The following GNGT1 variants were observed in gnomAD, a reference collection of about 807,000 sequenced individuals.
GNGT1 encodes the protein G protein subunit gamma transducin 1.
In GNGT1, 4 loss-of-function variants were observed where a neutral mutation model predicts 7.4. That is an observed-to-expected ratio of 0.54 (90% CI 0.27 to 1.24). The LOEUF (loss-of-function observed/expected upper bound fraction) is 1.24. Among genes scored for constraint, GNGT1 ranks in the 50% most tolerant of loss-of-function variants. The pLI is 0.12. For missense variants in GNGT1, 95 were observed against 82.4 expected, an observed-to-expected ratio of 1.15 and a Z score of -0.59; for synonymous variants, 37 against 30.2, an observed-to-expected ratio of 1.23 and a Z score of -0.74.
chr7:93,909,664 T>C, intron 2 of GNGT1: 2 of 522,832 alleles, frequency 3.8e-6, no homozygotes, highest in Non-Finnish European at 6.8e-6. Flanking sequence ...TCAAAAGTTA[T>C]GTGAATCTGC....
chr7:93,910,034 A>G (rs546314245), intron 2 of GNGT1: 7 of 152,604 alleles, frequency 4.6e-5, no homozygotes, highest in African/African-American at 1.7e-4. Context: ...TTATATATGT[A>G]TAGAACATCA....
intron 2 of GNGT1, among the ~76,000 whole-genome samples, chr7:93,907,740 T>C (rs1794398672): frequency 6.6e-6 from 1 of 152,202 alleles, no homozygotes; most frequent in African/African-American, 2.4e-5. Context: ...AAAAAGGATC[T>C]TGTGTTATCT....
Position 93,910,773 on chromosome 7 carries a change from T to C in GNGT1, c.97-17T>C. 6.4e-7 allele frequency: 1 copy of C among 1,574,764 alleles called. No individual in the cohort carries two copies. ...GTTTTAAACCAAATGAGTCATCCCT[T>C]TTTCCTTCCCCTTAAGGTTTCCAAA... is the stretch of plus-strand genomic sequence containing the variant. On this transcript the variant is annotated splice_polypyrimidine_tract_variant and intron_variant, in intron 2 of 2. Transcript: ENST00000248572.
intron 2 of GNGT1, chr7:93,909,526 GA>G: frequency 1.4e-6 from 1 of 701,740 alleles, no homozygotes; most frequent in Non-Finnish European, 2.6e-6. Flanking sequence ...ATGGACTACT[GA>G]ATTAAGGACA....
At chr7:93,909,859 A>C (rs943142451) in intron 2 of GNGT1, 6 of 181,864 alleles carry the variant, frequency 3.3e-5, no homozygotes, top group East Asian at 1.3e-4. Context: ...AAAAAAAAAA[A>C]CAGTAAATTG....
At position 93,911,071 on chromosome 7, in the gene GNGT1, G is replaced by T; in HGVS notation, c.*153G>T. ...AAACTTTTAATAAAAATTGGGGTGTGGTAACCCATCATTCTATGTTTTTCT... is the reference window on the plus strand; with the variant it reads ...AAACTTTTAATAAAAATTGGGGTGTTGTAACCCATCATTCTATGTTTTTCT... On this transcript the variant is annotated 3_prime_UTR_variant, in exon 3 of 3. Coordinates refer to ENST00000248572, the MANE Select transcript of GNGT1 (RefSeq NM_021955.5). The T allele has an allele frequency of 2.3e-6, 1 of 426,302 alleles. No individual in the cohort carries two copies. Among genetic ancestry groups the T allele is most frequent in the Admixed American group, 4.1e-5 (1 of 24,312 alleles). The allele number at this position is 426,302 out of a possible 1,614,324, so 26.4% of individuals were successfully genotyped here. A position where few individuals can be genotyped will look rare whatever the true frequency, so the allele number is the denominator to read the frequency against.
chr7:93,910,958 A>C lies in GNGT1; in HGVS notation c.*40A>C. ...AAAAAAATTAAACAAATTCTTGGAA[A>C]TATCTCAAATGTTAATAACAATATG... On this transcript the variant is annotated 3_prime_UTR_variant, in exon 3 of 3. Coordinates refer to ENST00000248572, the MANE Select transcript of GNGT1 (RefSeq NM_021955.5). 2.1e-6 allele frequency: 3 copies of C among 1,409,272 alleles called. No individual in the cohort carries two copies. Among genetic ancestry groups the C allele is most frequent in the Non-Finnish European group, 2.9e-6 (3 of 1,031,642 alleles). The allele number at this position is 1,409,272 out of a possible 1,614,324, so 87.3% of individuals were successfully genotyped here. A position where few individuals can be genotyped will look rare whatever the true frequency, so the allele number is the denominator to read the frequency against.
At chr7:93,909,272 C>A (rs1794424071) in intron 2 of GNGT1, among the ~76,000 whole-genome samples, 1 of 152,022 alleles carries the variant, frequency 6.6e-6, no homozygotes, top group African/African-American at 2.4e-5. Flanking sequence ...TTTAAGGCAA[C>A]CAATGCAGCT....
chr7:93,909,829 G>T, intron 2 of GNGT1: 1 of 198,284 alleles, frequency 5.0e-6, no homozygotes, highest in Non-Finnish European at 9.7e-6. Context: ...CATAAAAGCG[G>T]ACTAAAGATT....
chr7:93,907,256 G>A (rs542737312), intron 2 of GNGT1, among the ~76,000 whole-genome samples: 31 of 152,130 alleles, frequency 2.0e-4, no homozygotes, highest in African/African-American at 7.2e-4. Context: ...TTTTAGATAA[G>A]CAATAAAATA....
At chr7:93,906,911 C>A in intron 2 of GNGT1, 69 bp downstream of exon 2, 1 of 848,144 alleles carries the variant, frequency 1.2e-6, no homozygotes, top group South Asian at 1.7e-5. Flanking sequence ...GGTTAGAAAA[C>A]ATTGGCTGGA....
At chr7:93,907,841 C>T in intron 2 of GNGT1, among the ~76,000 whole-genome samples, 1 of 152,114 alleles carries the variant, frequency 6.6e-6, no homozygotes. Flanking sequence ...CCCTGTTGCC[C>T]TTTCCATACA....
At chr7:93,907,394 G>A (rs1794392646) in intron 2 of GNGT1, among the ~76,000 whole-genome samples, 1 of 152,054 alleles carries the variant, frequency 6.6e-6, no homozygotes, top group Non-Finnish European at 1.5e-5. Flanking sequence ...AAGCTATGAT[G>A]TCAACCCCTC....
rs1794457882 is a variant in GNGT1 at position 93,910,981 on chromosome 7, A to G, written c.*63A>G. On this transcript the variant is annotated 3_prime_UTR_variant, in exon 3 of 3. Transcript: ENST00000248572. ...AAATATCTCAAATGTTAATAACAATATGAATTTTTCTCATGCATACTATTA... is the reference window on the plus strand; with the variant it reads ...AAATATCTCAAATGTTAATAACAATGTGAATTTTTCTCATGCATACTATTA... The G allele has an allele frequency of 7.9e-7, 1 of 1,261,160 alleles. No homozygotes were observed. Among genetic ancestry groups the G allele is most frequent in the Non-Finnish European group, 1.1e-6 (1 of 922,618 alleles). The allele number at this position is 1,261,160 out of a possible 1,614,324, so 78.1% of individuals were successfully genotyped here.
chr7:93,909,510 T>G (rs1023144324), intron 2 of GNGT1: 6 of 702,322 alleles, frequency 8.5e-6, no homozygotes, highest in African/African-American at 1.7e-5. Flanking sequence ...TCAAAACCAA[T>G]CCCTTATGGA....
intron 2 of GNGT1, among the ~76,000 whole-genome samples, chr7:93,907,853 G>C (rs1028491546): frequency 6.6e-6 from 1 of 152,064 alleles, no homozygotes; most frequent in Non-Finnish European, 1.5e-5. Flanking sequence ...TTCCATACAG[G>C]CAAAACGTTT....
chr7:93,906,715 G>T (rs1048252567), intron 1 of GNGT1, 21 bp from the exon 2 acceptor site: 1 of 1,288,852 alleles, frequency 7.8e-7, no homozygotes, highest in African/African-American at 1.5e-5. Context: ...ATGCATAGCT[G>T]CTAACCTTCT....
At position 93,906,859 on chromosome 7, in the gene GNGT1, T is replaced by G. The variant is rs776858019; in HGVS notation, c.96+17T>G. ...AGAATGCTAGTAAGTTGCTGCTTTC[T>G]TTAGTATTTTATTTTAAGCTAGAGA... On this transcript the variant is annotated intron_variant, in intron 2 of 2. Coordinates refer to ENST00000248572, the MANE Select transcript of GNGT1 (RefSeq NM_021955.5). 45 of 1,446,644 alleles carry G rather than the reference T, an allele frequency of 3.1e-5. No homozygotes were observed. Among genetic ancestry groups the G allele is most frequent in the Non-Finnish European group, 4.0e-5 (42 of 1,044,238 alleles). 89.6% of individuals were successfully genotyped at this position (1,446,644 alleles called of 1,614,324 possible). A position where few individuals can be genotyped will look rare whatever the true frequency, so the allele number is the denominator to read the frequency against.
chr7:93,907,721 G>A lies in GNGT1; in HGVS notation c.96+879G>A, dbSNP rs557780984. 6.4e-4 allele frequency among the ~76,000 whole-genome samples: 98 copies of A among 152,186 alleles called. 1 individual carries two copies. Among genetic ancestry groups the A allele is most frequent in the Non-Finnish European group, 1.5e-5 (1 of 67,984 alleles). On this transcript the variant is annotated intron_variant, in intron 2 of 2. Transcript: ENST00000248572. ...ATTTTAAAACATCTCATTTTATCAG[G>A]ACAAAGTAAAAAAGGATCTTGTGTT...
Sources: gnomAD v4.1 joint callset for allele counts (sites outside exome capture counted in the v4.1 genomes callset) on GRCh38, gnomAD v4.1.1 for gene constraint, MANE v1.5 for transcripts, NCBI Gene and HGNC (gene_info 2026-07-23, HGNC 2026-07-21) for gene names.